The following MSRB3 variants were observed in gnomAD, a reference collection of about 807,000 sequenced individuals.
MSRB3 encodes the protein methionine sulfoxide reductase B3.
MSRB3 carries 13 observed loss-of-function variants against 21.0 expected under a neutral mutation model. The observed-to-expected ratio is 0.62, with a 90% CI of 0.40 to 0.98. MSRB3 has a LOEUF of 0.98. MSRB3 is among the 50% of genes least tolerant of loss of function. The pLI, the probability that MSRB3 is intolerant of heterozygous loss-of-function variation, is 0.00. For synonymous variants in MSRB3, 87 were observed against 88.6 expected, an observed-to-expected ratio of 0.98 and a Z score of 0.10; for missense variants, 199 against 230.3, an observed-to-expected ratio of 0.86 and a Z score of 0.88.
chr12:65,359,260 T>C (rs767674874), intron 4 of MSRB3, among the ~76,000 whole-genome samples: 15 of 152,034 alleles, frequency 9.9e-5, no homozygotes, highest in African/African-American at 1.4e-4. Context: ...TCAGAGGCTA[T>C]TGAAGTGTCC....
intron 5 of MSRB3, among the ~76,000 whole-genome samples, chr12:65,407,665 C>A (rs1295367430): frequency 6.6e-6 from 1 of 152,150 alleles, no homozygotes; most frequent in Non-Finnish European, 1.5e-5. Flanking sequence ...TCTTCTCCTT[C>A]TGCTATTCCT....
intron 5 of MSRB3, among the ~76,000 whole-genome samples, chr12:65,445,745 A>T (rs1305532897): frequency 6.6e-6 from 1 of 151,394 alleles, no homozygotes; most frequent in African/African-American, 2.4e-5. Flanking sequence ...TCCAAGGTTC[A>T]AGCGATTCTC....
intron 1 of MSRB3, among the ~76,000 whole-genome samples, chr12:65,292,652 T>C (rs893405285): frequency 6.6e-6 from 1 of 152,060 alleles, no homozygotes; most frequent in Non-Finnish European, 1.5e-5. Context: ...GTTCTGTCTG[T>C]ATATAATCAA....
chr12:65,331,763 G>A (rs1875436182), intron 4 of MSRB3, among the ~76,000 whole-genome samples: 1 of 152,236 alleles, frequency 6.6e-6, no homozygotes, highest in South Asian at 2.1e-4. Flanking sequence ...GGAGCTGTGT[G>A]CTCTGCAGGA....
chr12:65,405,094 G>A (rs1247214880), intron 5 of MSRB3, among the ~76,000 whole-genome samples: 1 of 151,946 alleles, frequency 6.6e-6, no homozygotes, highest in African/African-American at 2.4e-5. Context: ...GGGATTACAG[G>A]TGTGCGCCAC....
At chr12:65,448,011 G>A (rs1882697684) in intron 5 of MSRB3, among the ~76,000 whole-genome samples, 1 of 152,086 alleles carries the variant, frequency 6.6e-6, no homozygotes, top group African/African-American at 2.4e-5. Flanking sequence ...TTGATTTTCG[G>A]TCTCCTAGGA....
At chr12:65,280,832 A>G (rs1871972558) in intron 1 of MSRB3, among the ~76,000 whole-genome samples, 1 of 152,266 alleles carries the variant, frequency 6.6e-6, no homozygotes, top group Non-Finnish European at 1.5e-5. Context: ...CCATTAAGTC[A>G]GAAATCCTTG....
chr12:65,409,242 A>G (rs527621141), intron 5 of MSRB3, among the ~76,000 whole-genome samples: 1 of 152,144 alleles, frequency 6.6e-6, no homozygotes, highest in East Asian at 1.9e-4. Context: ...TAATCATCAG[A>G]ATACATTCTG....
At chr12:65,308,443 A>G (rs1873784683) in intron 1 of MSRB3, 86 bp from the exon 2 acceptor site, 1 of 1,525,782 alleles carries the variant, frequency 6.6e-7, no homozygotes, top group Non-Finnish European at 8.9e-7. Context: ...TCCAGATAAA[A>G]CTGTAACCAT....
At chr12:65,382,465 C>T (rs552413409) in intron 5 of MSRB3, among the ~76,000 whole-genome samples, 1 of 152,024 alleles carries the variant, frequency 6.6e-6, no homozygotes, top group South Asian at 2.1e-4. Context: ...ATGAAAGTGG[C>T]ATTAAAATTC....
chr12:65,383,004 T>A (rs1879024991), intron 5 of MSRB3, among the ~76,000 whole-genome samples: 2 of 152,112 alleles, frequency 1.3e-5, no homozygotes, highest in African/African-American at 4.8e-5. Flanking sequence ...TTAGTATGCA[T>A]TTTATGCAAT....
intron 4 of MSRB3, among the ~76,000 whole-genome samples, chr12:65,352,205 A>AC (rs1256781849): frequency 6.6e-6 from 1 of 152,234 alleles, no homozygotes; most frequent in Non-Finnish European, 1.5e-5. Context: ...AGAGCCAACG[A>AC]CAAAAACCAC....
chr12:65,447,726 A>G (rs1426343712), intron 5 of MSRB3, among the ~76,000 whole-genome samples: 5 of 152,188 alleles, frequency 3.3e-5, no homozygotes, highest in Non-Finnish European at 5.9e-5. Flanking sequence ...ATCGTTAGAG[A>G]AAGATGGGGA....
chr12:65,381,008 C>T (rs1878912697), intron 5 of MSRB3, among the ~76,000 whole-genome samples: 1 of 152,104 alleles, frequency 6.6e-6, no homozygotes, highest in Non-Finnish European at 1.5e-5. Flanking sequence ...CAAGTAGTTA[C>T]TCGGATTCAG....
intron 5 of MSRB3, among the ~76,000 whole-genome samples, chr12:65,424,951 T>A (rs898435528): frequency 1.2e-3 from 3 of 2,554 alleles, no homozygotes; most frequent in Non-Finnish European, 2.8e-3. Context: ...TATCTCTCCC[T>A]TCATTTGTAT....
chr12:65,293,435 G>GCTC (rs1314876392), intron 1 of MSRB3, among the ~76,000 whole-genome samples: 3 of 152,004 alleles, frequency 2.0e-5, no homozygotes, highest in Non-Finnish European at 2.9e-5. Context: ...TTTCTCCCCT[G>GCTC]CTCCTCACTG....
rs1592619435 is a variant in MSRB3 at position 65,419,495 on chromosome 12, G to A, written c.293-34233G>A. On this transcript the variant is annotated intron_variant, in intron 5 of 6. Coordinates refer to ENST00000308259, the MANE Select transcript of MSRB3 (RefSeq NM_001031679.3). Reference sequence around the variant, plus strand: ...CCATAGATGTCGCTCTCCACAGACTGGCGCATGGCCAGCTCTGTGTCATAC... The same window carrying A: ...CCATAGATGTCGCTCTCCACAGACTAGCGCATGGCCAGCTCTGTGTCATAC... 8 of 741,120 alleles carry A rather than the reference G, an allele frequency of 1.1e-5. No individual in the cohort carries two copies. The East Asian group carries it at 2.0e-4, about 18-fold the overall frequency. 45.9% of individuals were successfully genotyped at this position (741,120 alleles called of 1,614,324 possible). A position where few individuals can be genotyped will look rare whatever the true frequency, so the allele number is the denominator to read the frequency against.
intron 5 of MSRB3, among the ~76,000 whole-genome samples, chr12:65,396,704 A>AAAAGAAAAAGAAAG (rs1879819358): frequency 1.8e-5 from 1 of 54,134 alleles, no homozygotes; most frequent in African/African-American, 6.7e-5. Context: ...AAAAAAAAAA[A>AAAAGAAAAAGAAAG]AAAGAAAGAA....
intron 5 of MSRB3, among the ~76,000 whole-genome samples, chr12:65,380,669 T>C (rs980407527): frequency 2.0e-5 from 3 of 152,206 alleles, no homozygotes; most frequent in African/African-American, 7.2e-5. Context: ...GCCTAATATG[T>C]AATATGCTCT....
Sources: allele counts gnomAD v4.1 joint callset (sites outside exome capture counted in the v4.1 genomes callset), GRCh38; gene constraint gnomAD v4.1.1; transcripts MANE v1.5; gene names NCBI Gene and HGNC (gene_info 2026-07-23, HGNC 2026-07-21).